The following KIAA1217 variants were observed in gnomAD, a reference collection of about 807,000 sequenced individuals.
KIAA1217 encodes KIAA1217.
A neutral mutation model predicts 163.9 loss-of-function variants in KIAA1217; 88 were observed. That is an observed-to-expected ratio of 0.54 (90% CI 0.45 to 0.64). The LOEUF (loss-of-function observed/expected upper bound fraction) is 0.64. Ranked by LOEUF, KIAA1217 falls within the 30% of genes least tolerant of loss-of-function variation. The probability of loss-of-function intolerance (pLI) is 0.00; values close to 1 mark genes in which losing one functional copy is unlikely to be tolerated. For missense variants in KIAA1217, 2,372 were observed against 2,475.0 expected, an observed-to-expected ratio of 0.96 and a Z score of 0.88; for synonymous variants, 903 against 923.1, an observed-to-expected ratio of 0.98 and a Z score of 0.39.
chr10:24,511,390 C>T lies in KIAA1217; in HGVS notation c.2002-1869C>T, dbSNP rs149435371. On this transcript the variant is annotated intron_variant, in intron 9 of 20. Coordinates refer to ENST00000376454, the MANE Select transcript of KIAA1217 (RefSeq NM_019590.5). ...GGGCACGGTGGCTCATGCCTGTAAT[C>T]CCAGCACTTTGGAAGGCTGCGGCGG... Among the ~76,000 whole-genome samples, 829 of 152,154 alleles carry T rather than the reference C, an allele frequency of 5.4e-3. 8 individuals are homozygous for T. Among genetic ancestry groups the T allele is most frequent in the African/African-American group, 0.019 (789 of 41,510 alleles).
chr10:23,820,476 C>T (rs977043187), intron 1 of KIAA1217, among the ~76,000 whole-genome samples: 5 of 152,116 alleles, frequency 3.3e-5, no homozygotes, highest in African/African-American at 1.2e-4. Context: ...TCCATGAGGG[C>T]AAAATATTCT....
intron 2 of KIAA1217, among the ~76,000 whole-genome samples, chr10:24,081,614 C>T (rs2061540724): frequency 6.6e-6 from 1 of 152,188 alleles, no homozygotes; most frequent in African/African-American, 2.4e-5. Context: ...CAGTCTAAAA[C>T]AGAGGTGTCC....
At chr10:24,321,524 G>A (rs1178728797) in intron 2 of KIAA1217, among the ~76,000 whole-genome samples, 1 of 151,978 alleles carries the variant, frequency 6.6e-6, no homozygotes, top group Admixed American at 6.6e-5. Context: ...CAGAGAGCAA[G>A]GCTTCATCTC....
chr10:24,155,595 C>T (rs748985790), intron 2 of KIAA1217, among the ~76,000 whole-genome samples: 21 of 152,068 alleles, frequency 1.4e-4, no homozygotes, highest in African/African-American at 3.1e-4. Flanking sequence ...CCGAGGTGGG[C>T]GGATCACCTG....
intron 1 of KIAA1217, among the ~76,000 whole-genome samples, chr10:23,808,422 A>G (rs1235703938): frequency 6.6e-6 from 1 of 152,236 alleles, no homozygotes; most frequent in Non-Finnish European, 1.5e-5. Context: ...CAGAGAAAGA[A>G]GAAAAACCAT....
intron 1 of KIAA1217, among the ~76,000 whole-genome samples, chr10:23,918,939 C>T (rs1842739248): frequency 6.6e-6 from 1 of 152,112 alleles, no homozygotes; most frequent in African/African-American, 2.4e-5. Context: ...AAGGCTTAAA[C>T]AAGCACATGG....
At chr10:24,113,014 C>G (rs966419545) in intron 2 of KIAA1217, among the ~76,000 whole-genome samples, 2 of 152,128 alleles carry the variant, frequency 1.3e-5, no homozygotes, top group Admixed American at 1.3e-4. Context: ...AAGAGAGGAG[C>G]ACAGAACAGA....
intron 1 of KIAA1217, among the ~76,000 whole-genome samples, chr10:23,943,732 C>T (rs1039424759): frequency 1.3e-5 from 2 of 152,084 alleles, no homozygotes; most frequent in African/African-American, 4.8e-5. Flanking sequence ...TTCTATGAAG[C>T]CAAAATAATC....
At chr10:24,175,538 G>A (rs1373169817) in intron 2 of KIAA1217, among the ~76,000 whole-genome samples, 2 of 152,074 alleles carry the variant, frequency 1.3e-5, no homozygotes, top group Non-Finnish European at 2.9e-5. Flanking sequence ...TGCTGCAAAT[G>A]CCATTCATTC....
chr10:23,912,502 T>C (rs919695445), intron 1 of KIAA1217, among the ~76,000 whole-genome samples: 6 of 152,116 alleles, frequency 3.9e-5, no homozygotes, highest in African/African-American at 1.4e-4. Context: ...TTTCCCCTTT[T>C]TGAGTCCCCA....
At chr10:24,026,771 A>G (rs879893528) in intron 2 of KIAA1217, among the ~76,000 whole-genome samples, 2 of 46,044 alleles carry the variant, frequency 4.3e-5, no homozygotes, top group Middle Eastern at 0.014. Flanking sequence ...TTTGCTCTTT[A>G]TTACTTTTCT....
intron 2 of KIAA1217, among the ~76,000 whole-genome samples, chr10:24,378,717 T>G (rs2052875812): frequency 6.6e-6 from 1 of 152,136 alleles, no homozygotes; most frequent in Admixed American, 6.6e-5. Context: ...CTGAACTAAA[T>G]GATGTCTCAG....
intron 1 of KIAA1217, among the ~76,000 whole-genome samples, chr10:23,899,657 G>A (rs1018006622): frequency 6.6e-6 from 1 of 152,058 alleles, no homozygotes; most frequent in Non-Finnish European, 1.5e-5. Flanking sequence ...CTTATCTCCT[G>A]ATGCTGCACA....
chr10:24,425,808 C>T (rs2059125944), intron 3 of KIAA1217, among the ~76,000 whole-genome samples: 1 of 152,258 alleles, frequency 6.6e-6, no homozygotes, highest in East Asian at 1.9e-4. Context: ...GACAAATAAC[C>T]CTTCAGAGAA....
chr10:24,012,434 G>A (rs977251536), intron 2 of KIAA1217, among the ~76,000 whole-genome samples: 8 of 152,148 alleles, frequency 5.3e-5, no homozygotes, highest in African/African-American at 1.9e-4. Context: ...GAGCCAAGAA[G>A]CAAAAGCTCA....
intron 17 of KIAA1217, among the ~76,000 whole-genome samples, chr10:24,537,932 C>G (rs2074277393): frequency 6.6e-6 from 1 of 152,160 alleles, no homozygotes; most frequent in Non-Finnish European, 1.5e-5. Context: ...CTCTGATTTT[C>G]AGATATAAAG....
intron 1 of KIAA1217, among the ~76,000 whole-genome samples, chr10:24,002,581 A>C (rs1167923874): frequency 6.6e-6 from 1 of 152,198 alleles, no homozygotes; most frequent in Non-Finnish European, 1.5e-5. Flanking sequence ...AATCACTGGC[A>C]ATTAAATGTA....
At chr10:24,530,832 G>T (rs1228487757) in intron 14 of KIAA1217, among the ~76,000 whole-genome samples, 1 of 152,082 alleles carries the variant, frequency 6.6e-6, no homozygotes, top group Admixed American at 6.5e-5. Context: ...GGAGTTTGAG[G>T]CTGAGGTGAG....
chr10:23,932,874 A>T (rs915953408), intron 1 of KIAA1217, among the ~76,000 whole-genome samples: 59 of 152,254 alleles, frequency 3.9e-4, no homozygotes, highest in Non-Finnish European at 1.8e-4. Context: ...AAAATAAATA[A>T]GAATAAAGGT....
Sources: gnomAD v4.1 joint callset for allele counts (sites outside exome capture counted in the v4.1 genomes callset) on GRCh38, gnomAD v4.1.1 for gene constraint, MANE v1.5 for transcripts, NCBI Gene and HGNC (gene_info 2026-07-23, HGNC 2026-07-21) for gene names.